Variants in ZP3 observed in about 807,000 individuals in gnomAD.
ZP3 encodes zona pellucida sperm-binding protein 3.
Under a neutral mutation model 35.6 loss-of-function variants are expected in ZP3, and 21 were observed. That is an observed-to-expected ratio of 0.59 (90% CI 0.42 to 0.85). ZP3 has a LOEUF of 0.85. ZP3 is among the 40% of genes least tolerant of loss of function. The pLI is 0.00. For missense variants in ZP3, 437 were observed against 536.5 expected (o/e 0.81, Z 1.83); for synonymous variants, 207 against 214.5 (o/e 0.96, Z 0.31).
At chr7:76,429,294 G>A (rs1224895466) in intron 1 of ZP3, 1 of 531,614 alleles carries the variant, frequency 1.9e-6, no homozygotes, top group African/African-American at 1.9e-5. Context: ...TTGTAGAGAT[G>A]GGGTCTTGCT....
intron 1 of ZP3, among the ~76,000 whole-genome samples, chr7:76,405,331 C>T (rs938071164): frequency 4.0e-3 from 106 of 26,222 alleles, no homozygotes; most frequent in Non-Finnish European, 5.5e-3. Context: ...TTTTTTCTTT[C>T]TTTCTTTCTT....
intron 1 of ZP3, among the ~76,000 whole-genome samples, chr7:76,414,299 A>G (rs1805314689): frequency 6.6e-6 from 1 of 152,022 alleles, no homozygotes; most frequent in South Asian, 2.1e-4. Flanking sequence ...ACCCAGCCCC[A>G]TATTAATATT....
rs747489932 is a variant in ZP3, at chr7:76,425,275, A to G, written c.311A>G (p.Gln104Arg). 38 of 1,598,346 alleles carry G rather than the reference A, an allele frequency of 2.4e-5. No individual in the cohort carries two copies. The highest frequency in any genetic ancestry group is 3.1e-5 in the Non-Finnish European group (36 of 1,170,540). Residue 104 changes from glutamine (Q) to arginine (R), a missense_variant and splice_region_variant, in exon 1 of 8, where the codon CAG becomes CGG. By Grantham distance (43) the Gln-to-Arg change is conservative. Transcript: ENST00000394857. ...VGLHECGNSM[Q>R]VTDDALVYST... is the part of the protein sequence containing the mutation. ...CTCCACGAGTGTGGCAACAGCATGC[A>G]GGTAAGAGAGGCTGGGGGCCCTGGC...
chr7:76,413,366 C>T (rs934382237), intron 1 of ZP3, among the ~76,000 whole-genome samples: 9 of 151,414 alleles, frequency 5.9e-5, no homozygotes, highest in South Asian at 4.2e-4. Context: ...GCGATCCTTC[C>T]GCCTCAGCCT....
intron 1 of ZP3, among the ~76,000 whole-genome samples, chr7:76,426,541 TCC>T (rs1190438567): frequency 2.0e-5 from 3 of 152,120 alleles, no homozygotes; most frequent in African/African-American, 7.2e-5. Context: ...GCCCTTGTTT[TCC>T]TGGGGAGGGA....
Position 76,425,293 on chromosome 7 carries a change from G to A in ZP3, c.312+17G>A. On this transcript the variant is annotated intron_variant, in intron 1 of 7. Transcript: ENST00000394857. ...AGCATGCAGGTAAGAGAGGCTGGGG[G>A]CCCTGGCTTTGGTGGGAGGATGTTC... The A allele has an allele frequency of 7.6e-6, 12 of 1,588,662 alleles. No homozygotes were observed. Among genetic ancestry groups the A allele is most frequent in the Non-Finnish European group, 1.0e-5 (12 of 1,166,652 alleles).
intron 1 of ZP3, chr7:76,400,485 G>C: frequency 6.2e-7 from 1 of 1,606,238 alleles, no homozygotes; most frequent in Non-Finnish European, 8.5e-7. Flanking sequence ...ACACTACGTT[G>C]GCGTCCACCA....
chr7:76,404,451 A>G (rs745471955), intron 1 of ZP3: 1 of 1,613,954 alleles, frequency 6.2e-7, no homozygotes, highest in Non-Finnish European at 8.5e-7. Context: ...TAGATGGTGA[A>G]GGGTGTTTCA....
rs201025018 is a variant in ZP3, at chr7:76,432,036, A to T, written c.432-891A>T. On this transcript the variant is annotated intron_variant, in intron 2 of 7. Coordinates refer to ENST00000394857, the MANE Select transcript of ZP3 (RefSeq NM_001110354.2). ...TGTGGTGGCTTTTGGTTTTTTGTTTAAAAAAAAAAAGTCTTACTCTGCCGC... is the reference window on the plus strand; with the variant it reads ...TGTGGTGGCTTTTGGTTTTTTGTTTTAAAAAAAAAAGTCTTACTCTGCCGC... Among the ~76,000 whole-genome samples, 280 of 141,472 alleles carry T rather than the reference A, an allele frequency of 2.0e-3. 3 individuals carry two copies. Among genetic ancestry groups the T allele is most frequent in the East Asian group, 0.016 (81 of 5,004 alleles). 92.8% of individuals were successfully genotyped at this position (141,472 alleles called of 152,430 possible). A position where few individuals can be genotyped will look rare whatever the true frequency, so the allele number is the denominator to read the frequency against.
intron 2 of ZP3, 150 bp from the exon 3 acceptor site, chr7:76,432,777 A>G (rs1805869878): frequency 3.2e-6 from 2 of 630,128 alleles, no homozygotes; most frequent in Admixed American, 5.6e-5. Context: ...CTCAGGCTCA[A>G]GGTGTCTGTT....
Position 76,424,983 on chromosome 7 carries a change from C to G in ZP3, c.19C>G (p.Leu7Val), listed in dbSNP as rs780525296. 1 of 1,545,652 alleles carries G rather than the reference C, an allele frequency of 6.5e-7. No homozygotes were observed. Among genetic ancestry groups the G allele is most frequent in the Non-Finnish European group, 8.7e-7 (1 of 1,146,992 alleles). Residue 7 changes from leucine to valine, a missense_variant, in exon 1 of 8, where the codon CTC (leucine) becomes GTC (valine). Transcript: ENST00000394857. The part of the protein sequence containing the change: MELSYR[L>V]FICLLLWGST... ...AGGTACCATGGAGCTGAGCTATAGGCTCTTCATCTGCCTCCTGCTCTGGGG... is the reference window on the plus strand; with the variant it reads ...AGGTACCATGGAGCTGAGCTATAGGGTCTTCATCTGCCTCCTGCTCTGGGG...
At chr7:76,415,082 G>T (rs1805337485) in intron 1 of ZP3, among the ~76,000 whole-genome samples, 2 of 151,166 alleles carry the variant, frequency 1.3e-5, no homozygotes, top group South Asian at 4.2e-4. Context: ...GGCATTAAAA[G>T]GTCTGGAACG....
At chr7:76,400,943 CCT>C in intron 1 of ZP3, 1 of 1,548,100 alleles carries the variant, frequency 6.5e-7, no homozygotes, top group East Asian at 2.4e-5. Context: ...CCTGTGGTTC[CCT>C]GTCTGAGGCT....
At chr7:76,431,390 T>C (rs1192211317) in intron 2 of ZP3, among the ~76,000 whole-genome samples, 1 of 152,156 alleles carries the variant, frequency 6.6e-6, no homozygotes, top group Non-Finnish European at 1.5e-5. Flanking sequence ...AGGCTGGTTG[T>C]AGGCTGGGAT....
chr7:76,423,052 A>T (rs1276265079), upstream of ZP3, among the ~76,000 whole-genome samples: 1 of 146,490 alleles, frequency 6.8e-6, no homozygotes, highest in African/African-American at 2.6e-5. Context: ...AGAAAGAAAG[A>T]AAGAAAGAAA....
At chr7:76,406,209 C>T (rs1237226144) in intron 1 of ZP3, among the ~76,000 whole-genome samples, 1 of 152,074 alleles carries the variant, frequency 6.6e-6, no homozygotes, top group East Asian at 1.9e-4. Context: ...AACTCCTGAC[C>T]TCAGGTGATC....
chr7:76,416,814 CTCTATA>C (rs1391547203), intron 1 of ZP3, among the ~76,000 whole-genome samples: 2 of 131,724 alleles, frequency 1.5e-5, no homozygotes, highest in Non-Finnish European at 3.2e-5. Flanking sequence ...CTCTCTCTCT[CTCTATA>C]TATATATACA....
At chr7:76,433,434 C>T (rs1805896409) in intron 3 of ZP3, 36 bp from the exon 4 acceptor site, 2 of 1,594,118 alleles carry the variant, frequency 1.3e-6, no homozygotes, top group South Asian at 2.3e-5. Context: ...GGATTACAGG[C>T]ATGAGCCACC....
intron 2 of ZP3, 67 bp from the exon 3 acceptor site, chr7:76,432,860 C>G: frequency 7.2e-7 from 1 of 1,379,860 alleles, no homozygotes; most frequent in South Asian, 1.2e-5. Flanking sequence ...TGAGATACTC[C>G]CCATCAGTGG....
Sources: allele counts gnomAD v4.1 joint callset (sites outside exome capture counted in the v4.1 genomes callset), GRCh38; gene constraint gnomAD v4.1.1; transcripts MANE v1.5; gene names NCBI Gene and HGNC (gene_info 2026-07-23, HGNC 2026-07-21).